ZNF486: variants seen among roughly 807,000 people sequenced by gnomAD.
The protein encoded by ZNF486 is KRAB box only protein 2.
A neutral mutation model predicts 12.8 loss-of-function variants in ZNF486; 12 were observed. The ratio of observed to expected loss-of-function variants is 0.94; its 90% CI spans 0.60 to 1.52. ZNF486 has a LOEUF of 1.52. ZNF486 is among the 40% of genes most tolerant of loss of function. The pLI, the probability that ZNF486 is intolerant of heterozygous loss-of-function variation, is 0.00. For missense variants in ZNF486, 738 were observed against 545.0 expected, an observed-to-expected ratio of 1.35 and a Z score of -3.53; for synonymous variants, 231 against 184.9, an observed-to-expected ratio of 1.25 and a Z score of -2.02.
At chr19:20,195,718 G>T (rs1185506472) in intron 3 of ZNF486, among the ~76,000 whole-genome samples, 1 of 152,176 alleles carries the variant, frequency 6.6e-6, no homozygotes, top group Non-Finnish European at 1.5e-5. Context: ...TTTAGGATGA[G>T]TCTTGTCTAA....
chr19:20,194,141 AT>A (rs1228852758), intron 3 of ZNF486, among the ~76,000 whole-genome samples: 3 of 152,102 alleles, frequency 2.0e-5, no homozygotes, highest in Non-Finnish European at 4.4e-5. Context: ...AAGAAATTCC[AT>A]TTTTGTGTAT....
In ZNF486 at chr19:20,170,681, AAG is replaced by A. The variant is rs1379837353; in HGVS notation, c.30+3326_30+3327del. On this transcript the variant is annotated intron_variant, in intron 1 of 3. Transcript: ENST00000335117. ...TGTCTGGCTGTGTGACAGGTAAGAA[AAG>A]AGAGCACCATCTAAGTCATAATGGG... is the stretch of plus-strand genomic sequence containing the variant. Among the ~76,000 whole-genome samples the A allele has an allele frequency of 1.1e-4, 16 of 152,322 alleles. 1 individual carries two copies. The highest frequency in any genetic ancestry group is 8.5e-4 in the Admixed American group (13 of 15,304).
At chr19:20,172,188 A>G (rs1555713983) in intron 1 of ZNF486, among the ~76,000 whole-genome samples, 1 of 151,512 alleles carries the variant, frequency 6.6e-6, no homozygotes, top group African/African-American at 2.4e-5. Flanking sequence ...CTTTTAGTAG[A>G]GACAGGATTT....
intron 1 of ZNF486, among the ~76,000 whole-genome samples, chr19:20,178,595 A>T (rs2089749817): frequency 1.3e-5 from 2 of 152,238 alleles, no homozygotes. Context: ...GAATTACCAG[A>T]CATGATATAA....
chr19:20,169,812 A>G (rs373927170), intron 1 of ZNF486, among the ~76,000 whole-genome samples: 14 of 151,942 alleles, frequency 9.2e-5, no homozygotes, highest in East Asian at 5.8e-4. Context: ...AGGGTGAAAA[A>G]GTCAGATTTT....
chr19:20,185,680 T>A (rs1363864779), intron 2 of ZNF486, among the ~76,000 whole-genome samples: 1 of 151,886 alleles, frequency 6.6e-6, no homozygotes, highest in Non-Finnish European at 1.5e-5. Context: ...AGTGCTAGGA[T>A]TAGAGGTGTG....
chr19:20,187,500 GTTTT>G (rs57208523), intron 3 of ZNF486, among the ~76,000 whole-genome samples: 3 of 119,660 alleles, frequency 2.5e-5, no homozygotes, highest in African/African-American at 1.0e-4. Flanking sequence ...ACCTCTTCAA[GTTTT>G]TTTTTTTTTT....
At chr19:20,196,294 G>C (rs551520633) in intron 3 of ZNF486, among the ~76,000 whole-genome samples, 1 of 152,212 alleles carries the variant, frequency 6.6e-6, no homozygotes, top group East Asian at 1.9e-4. Context: ...GGAATTACAG[G>C]CATGAGCTAT....
At position 20,172,267 on chromosome 19, in the gene ZNF486, T is replaced by C. The variant is rs2089656293; in HGVS notation, c.30+4907T>C. 6.6e-5 allele frequency among the ~76,000 whole-genome samples: 10 copies of C among 152,134 alleles called. No individual in the cohort carries two copies. In the South Asian group the frequency reaches 2.1e-3, roughly 32 times the overall value. On this transcript the variant is annotated intron_variant, in intron 1 of 3. Coordinates refer to ENST00000335117, the MANE Select transcript of ZNF486 (RefSeq NM_052852.4). ...ATTACCCGGCCTCAGCCTCCCAAAG[T>C]GTTGGGATTACAGGTGTGAGCCACT...
At chr19:20,191,660 C>T (rs1245136974) in intron 3 of ZNF486, among the ~76,000 whole-genome samples, 3 of 151,348 alleles carry the variant, frequency 2.0e-5, no homozygotes, top group Non-Finnish European at 4.4e-5. Flanking sequence ...GTCCCAGCTA[C>T]TCGGGAGGCT....
intron 1 of ZNF486, among the ~76,000 whole-genome samples, chr19:20,175,767 G>A (rs113387249): frequency 1.7e-4 from 26 of 152,332 alleles, no homozygotes; most frequent in Admixed American, 2.6e-4. Flanking sequence ...CGATTTCTCA[G>A]TCTTTTCCGC....
Position 20,197,184 on chromosome 19 carries a change from A to G in ZNF486, c.474A>G (p.Lys158=), listed in dbSNP as rs782718632. ...AGAGCAAAATATTTCAATGTGGTAA[A>G]TATGTGAAAGTCTTTCATCAATTTT... ...TTQSKIFQCG[K]YVKVFHQFSN... The change falls in exon 4 of 4, where the codon AAA becomes AAG. Residue 158 remains lysine (K), a synonymous_variant. Transcript: ENST00000335117. The G allele has an allele frequency of 2.5e-5, 40 of 1,613,570 alleles. No individual in the cohort carries two copies. The highest frequency in any genetic ancestry group is 3.3e-4 in the Middle Eastern group (2 of 6,082).
chr19:20,185,966 TA>T lies in ZNF486; in HGVS notation c.158-20del. The T allele has an allele frequency of 6.8e-7, 1 of 1,471,450 alleles. No individual in the cohort carries two copies. The highest frequency in any genetic ancestry group is 9.1e-7 in the Non-Finnish European group (1 of 1,100,218). The allele number at this position is 1,471,450 out of a possible 1,614,324, so 91.1% of individuals were successfully genotyped here. On this transcript the variant is annotated intron_variant, in intron 2 of 3. Transcript: ENST00000335117. The stretch of plus-strand genomic sequence containing the variant: ...TGAGAAATATAAGCAAGATTAATGC[TA>T]TTTATTTTTAATGAAACAGGTATTA...
At chr19:20,170,156 C>T (rs546911798) in intron 1 of ZNF486, among the ~76,000 whole-genome samples, 10 of 152,034 alleles carry the variant, frequency 6.6e-5, no homozygotes, top group African/African-American at 9.6e-5. Flanking sequence ...CTCGGCCTCC[C>T]GAAGTGCTGG....
chr19:20,170,451 C>T (rs1406605160), intron 1 of ZNF486, among the ~76,000 whole-genome samples: 1 of 151,574 alleles, frequency 6.6e-6, no homozygotes, highest in African/African-American at 2.4e-5. Context: ...CATGTAATGC[C>T]AGCTACTTGG....
chr19:20,173,473 C>T (rs781937467), intron 1 of ZNF486, among the ~76,000 whole-genome samples: 35 of 152,144 alleles, frequency 2.3e-4, no homozygotes, highest in African/African-American at 7.5e-4. Context: ...ACCCCACTAA[C>T]GTTCTTTCAA....
rs781968701 is a variant in ZNF486 at position 20,197,945 on chromosome 19, G to A, written c.1235G>A (p.Gly412Asp). Reference sequence around the variant, plus strand: ...AAACCCTACAAATGTGAAGAATGTGGCAAAGCGTATACTACATCCTCAAAT... The same window carrying A: ...AAACCCTACAAATGTGAAGAATGTGACAAAGCGTATACTACATCCTCAAAT... ...GEKPYKCEEC[G>D]KAYTTSSNLT... Residue 412 changes from glycine to aspartate, a missense_variant, in exon 4 of 4, where the codon GGC becomes GAC. Physicochemically the swap from Gly to Asp is moderately conservative, Grantham distance 94 (BLOSUM62 -1). Coordinates refer to ENST00000335117, the MANE Select transcript of ZNF486 (RefSeq NM_052852.4). 2 of 1,613,642 alleles carry A rather than the reference G, an allele frequency of 1.2e-6. No individual in the cohort carries two copies. The highest frequency in any genetic ancestry group is 1.7e-6 in the Non-Finnish European group (2 of 1,179,818).
At chr19:20,185,106 A>T (rs2089828311) in intron 2 of ZNF486, among the ~76,000 whole-genome samples, 2 of 151,996 alleles carry the variant, frequency 1.3e-5, no homozygotes, top group South Asian at 4.1e-4. Context: ...AGCAAATACC[A>T]CTCTAATTTT....
rs2089819024 is a variant in ZNF486 at position 20,184,364 on chromosome 19, G to A, written c.39G>A (p.Leu13=). The part of the protein sequence containing the change: ...GPLRSLEMES[L]QFRDVAVEFS... Reference sequence around the variant, plus strand: ...GTGTGTGTGTTTTTCAGGAATCATTGCAATTTAGAGATGTGGCTGTAGAAT... The same window carrying A: ...GTGTGTGTGTTTTTCAGGAATCATTACAATTTAGAGATGTGGCTGTAGAAT... The change falls in exon 2 of 4, where the codon TTG becomes TTA. Residue 13 remains leucine, a synonymous_variant. Transcript: ENST00000335117. 6.2e-7 allele frequency: 1 copy of A among 1,612,812 alleles called. No homozygotes were observed. The highest frequency in any genetic ancestry group is 1.7e-4 in the Middle Eastern group (1 of 6,044).
Sources: gnomAD v4.1 joint callset for allele counts (sites outside exome capture counted in the v4.1 genomes callset) on GRCh38, gnomAD v4.1.1 for gene constraint, MANE v1.5 for transcripts, NCBI Gene and HGNC (gene_info 2026-07-23, HGNC 2026-07-21) for gene names.